The following VRK2 variants were observed in gnomAD, a reference collection of about 807,000 sequenced individuals.
The protein encoded by VRK2 is serine/threonine-protein kinase VRK2.
VRK2 carries 60 observed loss-of-function variants against 57.6 expected under a neutral mutation model. The ratio of observed to expected loss-of-function variants is 1.04; its 90% confidence interval spans 0.85 to 1.29. The LOEUF is 1.29. Among genes scored for constraint, VRK2 ranks in the 50% most tolerant of loss-of-function variants. VRK2 has a pLI of 0.00. For synonymous variants in VRK2, 231 were observed against 199.2 expected (o/e 1.16, Z -1.35); for missense variants, 705 against 588.1 (o/e 1.20, Z -2.06).
chr2:58,136,637 G>T (rs1680057581), intron 10 of VRK2, among the ~76,000 whole-genome samples: 1 of 151,558 alleles, frequency 6.6e-6, no homozygotes, highest in Non-Finnish European at 1.5e-5. Flanking sequence ...CCCCCACCTT[G>T]CCCTCCCAAA....
chr2:58,050,062 G>A (rs961601100), intron 2 of VRK2, among the ~76,000 whole-genome samples: 1 of 152,184 alleles, frequency 6.6e-6, no homozygotes, highest in Admixed American at 6.5e-5. Context: ...GTTATTAAGT[G>A]CTAGATTGAA....
chr2:58,078,366 C>G (rs1005751426), intron 2 of VRK2, among the ~76,000 whole-genome samples: 3 of 151,984 alleles, frequency 2.0e-5, no homozygotes, highest in Non-Finnish European at 4.4e-5. Context: ...ATGTTCCATT[C>G]CAAGTATATG....
chr2:58,059,436 A>G (rs1052604024), intron 2 of VRK2, among the ~76,000 whole-genome samples: 1 of 151,914 alleles, frequency 6.6e-6, no homozygotes, highest in African/African-American at 2.4e-5. Flanking sequence ...AGATACCTTT[A>G]TAAATATTGA....
intron 1 of VRK2, among the ~76,000 whole-genome samples, chr2:57,970,530 G>C (rs914957231): frequency 1.3e-5 from 2 of 149,720 alleles, no homozygotes; most frequent in Non-Finnish European, 3.0e-5. Context: ...ATCTAGCATA[G>C]AGAAAATATA....
intron 1 of VRK2, among the ~76,000 whole-genome samples, chr2:57,969,264 CA>C (rs1168164920): frequency 1.3e-5 from 2 of 151,536 alleles, no homozygotes; most frequent in Non-Finnish European, 2.9e-5. Flanking sequence ...ATAAAGTAGA[CA>C]AAGCAACATA....
chr2:58,135,268 G>A, intron 10 of VRK2, 69 bp downstream of exon 10: 2 of 1,581,280 alleles, frequency 1.3e-6, no homozygotes, highest in South Asian at 2.2e-5. Context: ...TTATCGTTTG[G>A]TAGCTTTTGC....
At chr2:58,040,167 T>G (rs2103718228) in intron 3 of VRK2, among the ~76,000 whole-genome samples, 1 of 152,288 alleles carries the variant, frequency 6.6e-6, no homozygotes, top group African/African-American at 2.4e-5. Context: ...TAAATAGATT[T>G]AAATATTGGT....
intron 2 of VRK2, among the ~76,000 whole-genome samples, chr2:58,076,106 C>CTTTTTTT (rs71394406): frequency 1.6e-5 from 2 of 121,812 alleles, no homozygotes; most frequent in Non-Finnish European, 3.5e-5. Context: ...CTACTGTCTT[C>CTTTTTTT]TTTTTTTTTT....
At chr2:57,942,073 T>C (rs1262527957) in intron 1 of VRK2, among the ~76,000 whole-genome samples, 1 of 152,202 alleles carries the variant, frequency 6.6e-6, no homozygotes, top group African/African-American at 2.4e-5. Context: ...AGTTGCTGCC[T>C]GGCTTCAGCA....
chr2:58,107,720 G>A (rs764360991), intron 7 of VRK2, among the ~76,000 whole-genome samples: 1 of 152,064 alleles, frequency 6.6e-6, no homozygotes, highest in African/African-American at 2.4e-5. Context: ...TCTTCATTGT[G>A]GACATAAAAT....
chr2:58,096,236 T>C (rs1573073911), intron 7 of VRK2, among the ~76,000 whole-genome samples: 1 of 152,220 alleles, frequency 6.6e-6, no homozygotes, highest in East Asian at 1.9e-4. Context: ...ATCCATAGTT[T>C]TCTAATTTTG....
At chr2:58,070,183 G>C (rs1669187038) in intron 2 of VRK2, among the ~76,000 whole-genome samples, 1 of 152,040 alleles carries the variant, frequency 6.6e-6, no homozygotes, top group South Asian at 2.1e-4. Context: ...ATTTAAACTA[G>C]ATCTCATTAG....
At chr2:57,977,367 A>G (rs1672283836) in intron 1 of VRK2, among the ~76,000 whole-genome samples, 1 of 152,098 alleles carries the variant, frequency 6.6e-6, no homozygotes, top group Admixed American at 6.6e-5. Context: ...ATATTGTTTC[A>G]TTTATTTGTG....
At chr2:57,928,789 T>C (rs551786617) in intron 1 of VRK2, among the ~76,000 whole-genome samples, 40 of 152,250 alleles carry the variant, frequency 2.6e-4, no homozygotes, top group Non-Finnish European at 5.7e-4. Context: ...CCAGTAATGC[T>C]GTGGTTCTTG....
intron 11 of VRK2, among the ~76,000 whole-genome samples, chr2:58,141,628 T>C (rs1233807730): frequency 2.0e-5 from 3 of 152,028 alleles, no homozygotes; most frequent in Admixed American, 2.0e-4. Flanking sequence ...AATATTTATT[T>C]ATTTATTATA....
intron 2 of VRK2, chr2:58,058,352 A>G: frequency 4.2e-6 from 2 of 470,620 alleles, no homozygotes; most frequent in South Asian, 3.1e-5. Context: ...TATTCCCCAG[A>G]GACACTGGCC....
chr2:58,088,818 G>T (rs558517475), intron 6 of VRK2, among the ~76,000 whole-genome samples: 1 of 152,272 alleles, frequency 6.6e-6, no homozygotes, highest in Non-Finnish European at 1.5e-5. Flanking sequence ...GATGGTAGGG[G>T]GGTGCTATGA....
At chr2:57,984,876 A>G (rs1215008206) in intron 1 of VRK2, among the ~76,000 whole-genome samples, 2 of 152,110 alleles carry the variant, frequency 1.3e-5, no homozygotes, top group Non-Finnish European at 2.9e-5. Context: ...TTAAAATTCA[A>G]TAGCTTTCCT....
intron 7 of VRK2, among the ~76,000 whole-genome samples, chr2:58,110,480 T>C (rs1034271669): frequency 6.6e-6 from 1 of 152,190 alleles, no homozygotes; most frequent in Non-Finnish European, 1.5e-5. Flanking sequence ...ATCATTCATA[T>C]CTGTTAAAAA....
Sources: gnomAD v4.1 joint callset for allele counts (sites outside exome capture counted in the v4.1 genomes callset) on GRCh38, gnomAD v4.1.1 for gene constraint, MANE v1.5 for transcripts, NCBI Gene and HGNC (gene_info 2026-07-23, HGNC 2026-07-21) for gene names.